The following RREB1 variants were observed in gnomAD, a reference collection of about 807,000 sequenced individuals.
RREB1 encodes the protein ras responsive element binding protein 1.
Under a neutral mutation model 117.8 loss-of-function variants are expected in RREB1, and 27 were observed. The observed-to-expected ratio is 0.23, with a 90% CI of 0.17 to 0.32. The LOEUF (loss-of-function observed/expected upper bound fraction) is 0.32, where lower values mean the gene tolerates loss of function less well. Ranked by LOEUF, RREB1 falls within the 10% of genes least tolerant of loss-of-function variation. The pLI, the probability that RREB1 is intolerant of heterozygous loss-of-function variation, is 1.00. For synonymous variants in RREB1, 1,298 were observed against 1,026.7 expected (o/e 1.26, Z -5.05); for missense variants, 2,577 against 2,378.2 (o/e 1.08, Z -1.74).
intron 1 of RREB1, among the ~76,000 whole-genome samples, chr6:7,125,660 T>C (rs1333288562): frequency 1.3e-5 from 2 of 152,186 alleles, no homozygotes; most frequent in Non-Finnish European, 2.9e-5. Context: ...TTTTACATAA[T>C]ATGGAAACTC....
At chr6:7,246,357 G>A (rs1769018559) in intron 11 of RREB1, 67 bp from the exon 12 acceptor site, 10 of 1,368,878 alleles carry the variant, frequency 7.3e-6, no homozygotes, top group Admixed American at 3.0e-5. Flanking sequence ...CATTCCCGGC[G>A]ACATCCCTGG....
At chr6:7,108,412 C>T (rs1055693418) in intron 1 of RREB1, among the ~76,000 whole-genome samples, 1 of 152,016 alleles carries the variant, frequency 6.6e-6, no homozygotes. Context: ...GCCGCCGCAG[C>T]GCCCCGCCAG....
intron 1 of RREB1, among the ~76,000 whole-genome samples, chr6:7,127,149 TGAG>T (rs972050351): frequency 6.6e-6 from 1 of 151,292 alleles, no homozygotes; most frequent in African/African-American, 2.4e-5. Context: ...GTTGGAATGA[TGAG>T]AAGTGTTGGC....
chr6:7,120,490 G>C (rs527488913), intron 1 of RREB1, among the ~76,000 whole-genome samples: 46 of 152,196 alleles, frequency 3.0e-4, no homozygotes, highest in African/African-American at 1.1e-3. Flanking sequence ...GATGAAGCAT[G>C]AACAGTACTT....
At chr6:7,156,482 C>T (rs776226602) in intron 1 of RREB1, among the ~76,000 whole-genome samples, 16 of 152,200 alleles carry the variant, frequency 1.1e-4, no homozygotes, top group Non-Finnish European at 2.1e-4. Context: ...GAGGGAACAC[C>T]AGCCAGTCCC....
Position 7,251,489 on chromosome 6 carries a change from C to CTTTTTTT in RREB1, c.*2537_*2543dup, listed in dbSNP as rs34678863. 4 of 121,354 alleles carry CTTTTTTT rather than the reference C, an allele frequency of 3.3e-5. No individual in the cohort carries two copies. The highest frequency in any genetic ancestry group is 8.4e-5 in the Admixed American group (1 of 11,894). 7.5% of individuals were successfully genotyped at this position (121,354 alleles called of 1,614,324 possible). A position where few individuals can be genotyped will look rare whatever the true frequency, so the allele number is the denominator to read the frequency against. On this transcript the variant is annotated 3_prime_UTR_variant, in exon 13 of 13. Transcript: ENST00000379938. The stretch of plus-strand genomic sequence containing the variant: ...GTTTTTTGAGGTGCAAGTTTTTTCT[C>CTTTTTTT]TTTTTTTTTTTTTTTTTTTTTTCTC...
Position 7,229,910 on chromosome 6 carries a change from C to G in RREB1, c.1811C>G (p.Ala604Gly), listed in dbSNP as rs1561794796. ...CTGGAGCAGGACAGCATCATCGAGG[C>G]CCTGCTGCCGCTGAGCATGGAGGCC... ...TQLEQDSIIE[A>G]LLPLSMEAKI... The change falls in exon 10 of 13, where the codon GCC (alanine) becomes GGC (glycine). Residue 604 changes from alanine (A) to glycine (G), a missense_variant. Coordinates refer to ENST00000379938, the MANE Select transcript of RREB1 (RefSeq NM_001003699.4). The surrounding 1 kb of genome is among the most constrained non-coding windows in gnomAD (Gnocchi z 4.5). 2.5e-6 allele frequency: 4 copies of G among 1,600,060 alleles called. No homozygotes were observed. Among genetic ancestry groups the G allele is most frequent in the Non-Finnish European group, 3.4e-6 (4 of 1,170,004 alleles).
At chr6:7,200,454 A>C (rs1475381664) in intron 6 of RREB1, among the ~76,000 whole-genome samples, 1 of 152,014 alleles carries the variant, frequency 6.6e-6, no homozygotes, top group African/African-American at 2.4e-5. Flanking sequence ...TTTTTAGTAG[A>C]GATGGGGTTT....
intron 6 of RREB1, among the ~76,000 whole-genome samples, 176 bp from the exon 7 acceptor site, chr6:7,210,627 AG>A (rs1406737434): frequency 6.6e-6 from 1 of 152,282 alleles, no homozygotes; most frequent in African/African-American, 2.4e-5. Flanking sequence ...AAGAGCTTTA[AG>A]AGAGGTTCAA....
At chr6:7,132,702 T>G (rs971409697) in intron 1 of RREB1, among the ~76,000 whole-genome samples, 3 of 152,204 alleles carry the variant, frequency 2.0e-5, no homozygotes, top group African/African-American at 7.2e-5. Flanking sequence ...TTTTTTCTTT[T>G]AACAGATTTT....
intron 6 of RREB1, among the ~76,000 whole-genome samples, chr6:7,197,159 G>A (rs1765717543): frequency 6.6e-6 from 1 of 152,162 alleles, no homozygotes; most frequent in Admixed American, 6.5e-5. Context: ...TTGAAACAGA[G>A]GATAGAAATG....
rs149002354 is a variant in RREB1 at position 7,231,708 on chromosome 6, C to T, written c.3609C>T (p.Asn1203=). The T allele has an allele frequency of 3.8e-5, 61 of 1,613,440 alleles. No homozygotes were observed. Among genetic ancestry groups the T allele is most frequent in the Non-Finnish European group, 5.0e-5 (59 of 1,179,830 alleles). ...CGTTTCTGCAGACAGCGGAGGACAACACTCAGGATGAGGTGGCCGGAGCCC... is the reference window on the plus strand; with the variant it reads ...CGTTTCTGCAGACAGCGGAGGACAATACTCAGGATGAGGTGGCCGGAGCCC... ...FSPFLQTAED[N]TQDEVAGAPA... The change falls in exon 10 of 13, where the codon AAC becomes AAT. Residue 1203 remains asparagine (N), a synonymous_variant. Transcript: ENST00000379938.
intron 1 of RREB1, among the ~76,000 whole-genome samples, chr6:7,120,966 G>A (rs553433392): frequency 3.2e-4 from 49 of 151,958 alleles, no homozygotes; most frequent in Non-Finnish European, 5.4e-4. Context: ...TGGGATTACA[G>A]GTGCCTGCCA....
At chr6:7,226,376 A>C in intron 8 of RREB1, 91 bp from the exon 9 acceptor site, 1 of 907,590 alleles carries the variant, frequency 1.1e-6, no homozygotes, top group Middle Eastern at 2.3e-4. Flanking sequence ...ATCAACAAAA[A>C]CTTAAGTCTG....
intron 8 of RREB1, among the ~76,000 whole-genome samples, 177 bp from the exon 9 acceptor site, chr6:7,226,290 G>A (rs992605473): frequency 6.6e-6 from 1 of 152,218 alleles, no homozygotes; most frequent in East Asian, 1.9e-4. Flanking sequence ...TTTTTAAAAG[G>A]AAGAGGTTTT....
At chr6:7,184,367 C>T (rs1047957808) in intron 4 of RREB1, 19 of 149,478 alleles carry the variant, frequency 1.3e-4, no homozygotes, top group African/African-American at 4.7e-4. Context: ...AACTATACAG[C>T]TAATGTGTGT....
intron 1 of RREB1, among the ~76,000 whole-genome samples, chr6:7,147,283 T>C (rs1364136412): frequency 6.6e-6 from 1 of 152,214 alleles, no homozygotes; most frequent in Non-Finnish European, 1.5e-5. Flanking sequence ...AATGTAGTTG[T>C]TTTTTTCCCC....
At chr6:7,207,728 T>C (rs1561781155) in intron 6 of RREB1, among the ~76,000 whole-genome samples, 1 of 152,164 alleles carries the variant, frequency 6.6e-6, no homozygotes, top group Non-Finnish European at 1.5e-5. Flanking sequence ...TTCCACAGAC[T>C]TGCAAGCAGA....
In RREB1 at chr6:7,151,984, C is replaced by T. The variant is rs77717871; in HGVS notation, c.-284-24671C>T. Among the ~76,000 whole-genome samples, 444 of 152,286 alleles carry T rather than the reference C, an allele frequency of 2.9e-3. 18 individuals carry two copies. The East Asian group carries it at 0.071, about 24-fold the overall frequency. ...TGTGAAATCACTTTTAGATGGCTTTCGTTTTCAAAACGTTGGATATTCTCA... is the reference window on the plus strand; with the variant it reads ...TGTGAAATCACTTTTAGATGGCTTTTGTTTTCAAAACGTTGGATATTCTCA... On this transcript the variant is annotated intron_variant, in intron 1 of 12. Coordinates refer to ENST00000379938, the MANE Select transcript of RREB1 (RefSeq NM_001003699.4).
Sources: allele counts gnomAD v4.1 joint callset (sites outside exome capture counted in the v4.1 genomes callset), GRCh38; gene constraint gnomAD v4.1.1; non-coding constraint Gnocchi (gnomAD v3.1); transcripts MANE v1.5; gene names NCBI Gene and HGNC (gene_info 2026-07-23, HGNC 2026-07-21).